Variants in DGCR2 observed in about 807,000 individuals in gnomAD.
The protein encoded by DGCR2 is DiGeorge syndrome critical region gene 2, also known as integral membrane protein DGCR2/IDD.
In DGCR2, 24 loss-of-function variants were observed where a neutral mutation model predicts 51.6. That is an observed-to-expected ratio of 0.47 (90% confidence interval 0.34 to 0.65). The LOEUF is 0.65. DGCR2 is among the 30% of genes least tolerant of loss of function. The probability of loss-of-function intolerance (pLI) is 0.01; values close to 1 mark genes in which losing one functional copy is unlikely to be tolerated. For synonymous variants in DGCR2, 340 were observed against 315.4 expected, an observed-to-expected ratio of 1.08 and a Z score of -0.82; for missense variants, 765 against 772.1, an observed-to-expected ratio of 0.99 and a Z score of 0.11.
At chr22:19,044,700 A>G (rs55676167) in intron 7 of DGCR2, among the ~76,000 whole-genome samples, 2,951 of 152,348 alleles carry the variant, frequency 0.019, 33 homozygotes, top group Non-Finnish European at 0.03. Flanking sequence ...GTGGTACCCC[A>G]CGTGGATTTA....
chr22:19,069,345 T>C (rs893332801), intron 2 of DGCR2, among the ~76,000 whole-genome samples: 4 of 152,384 alleles, frequency 2.6e-5, no homozygotes, highest in Admixed American at 2.0e-4. Context: ...GCTAGTGTCA[T>C]AGACTTTGCA....
At chr22:19,103,420 T>A (rs1390514282) in intron 1 of DGCR2, among the ~76,000 whole-genome samples, 26 of 48,660 alleles carry the variant, frequency 5.3e-4, no homozygotes, top group African/African-American at 3.3e-3. Flanking sequence ...AAAGTTCTTT[T>A]TTTTTTTTTT....
At chr22:19,088,851 C>T (rs1601264194) in intron 2 of DGCR2, among the ~76,000 whole-genome samples, 1 of 152,152 alleles carries the variant, frequency 6.6e-6, no homozygotes, top group East Asian at 1.9e-4. Context: ...CCTGGTTCTC[C>T]GATTTAGCCT....
intron 7 of DGCR2, chr22:19,047,189 A>C (rs899601431): frequency 1.1e-4 from 17 of 152,368 alleles, no homozygotes; most frequent in African/African-American, 4.1e-4. Context: ...CTTGGCTGCA[A>C]ATGTAGCCTT....
intron 2 of DGCR2, among the ~76,000 whole-genome samples, chr22:19,085,885 A>C (rs1569072785): frequency 6.6e-6 from 1 of 152,158 alleles, no homozygotes; most frequent in Non-Finnish European, 1.5e-5. Context: ...CTCTCCTCAT[A>C]CAAAGGAAGG....
chr22:19,065,178 G>C, intron 3 of DGCR2, 111 bp from the exon 4 acceptor site: 2 of 894,070 alleles, frequency 2.2e-6, no homozygotes, highest in South Asian at 3.2e-5. Flanking sequence ...TAGAGAAGTG[G>C]GGAAACTGAG....
intron 2 of DGCR2, among the ~76,000 whole-genome samples, chr22:19,081,313 T>A (rs2082933971): frequency 6.6e-6 from 1 of 152,252 alleles, no homozygotes; most frequent in African/African-American, 2.4e-5. Flanking sequence ...ATTTTGTGTA[T>A]CACTGCGCTT....
At chr22:19,040,937 A>G (rs1211913403) in intron 9 of DGCR2, 121 bp downstream of exon 9, 1 of 941,454 alleles carries the variant, frequency 1.1e-6, no homozygotes, top group African/African-American at 1.7e-5. Context: ...AGGAAAAACC[A>G]AAGACAAAGC....
At chr22:19,093,737 C>T (rs528839326) in intron 1 of DGCR2, among the ~76,000 whole-genome samples, 3 of 152,184 alleles carry the variant, frequency 2.0e-5, no homozygotes, top group Non-Finnish European at 4.4e-5. Flanking sequence ...TGGCTTATAC[C>T]TGTAATCCCA....
chr22:19,121,308 A>T (rs1227098037), intron 1 of DGCR2, among the ~76,000 whole-genome samples: 2 of 152,270 alleles, frequency 1.3e-5, no homozygotes, highest in African/African-American at 4.8e-5. Context: ...GACTTTAAAA[A>T]AAAATAAAAT....
Position 19,041,185 on chromosome 22 carries a change from A to T in DGCR2, c.1269T>A (p.Thr423=). The T allele has an allele frequency of 1.2e-6, 2 of 1,613,870 alleles. No individual in the cohort carries two copies. Among genetic ancestry groups the T allele is most frequent in the South Asian group, 2.2e-5 (2 of 91,076 alleles). Residue 423 remains threonine (T), a synonymous_variant, in exon 9 of 10, where the codon ACT becomes ACA. Coordinates refer to ENST00000263196, the MANE Select transcript of DGCR2 (RefSeq NM_005137.3). Reference sequence around the variant, plus strand: ...GAGGTGGAGGGTCGTGGAAATGGAAAGTCCCACCCTCTCCGTCGTCAGAAA... The same window carrying T: ...GAGGTGGAGGGTCGTGGAAATGGAATGTCCCACCCTCTCCGTCGTCAGAAA... The part of the protein sequence containing the change: ...LHLSDDGEGG[T]FHFHDPPPPY...
At chr22:19,102,313 T>C (rs2146035760) in intron 1 of DGCR2, among the ~76,000 whole-genome samples, 1 of 152,300 alleles carries the variant, frequency 6.6e-6, no homozygotes, top group Non-Finnish European at 1.5e-5. Flanking sequence ...AGTTTCTGTT[T>C]GGATTGACAA....
intron 1 of DGCR2, among the ~76,000 whole-genome samples, chr22:19,096,338 G>C (rs1011476752): frequency 6.6e-6 from 1 of 152,182 alleles, no homozygotes; most frequent in Non-Finnish European, 1.5e-5. Context: ...GTGGTTACCA[G>C]AGGCTGGGAA....
chr22:19,107,978 G>A (rs567078619), intron 1 of DGCR2, among the ~76,000 whole-genome samples: 1 of 152,296 alleles, frequency 6.6e-6, no homozygotes, highest in South Asian at 2.1e-4. Context: ...TATATCAAGT[G>A]CTTAGAATAC....
intron 2 of DGCR2, among the ~76,000 whole-genome samples, chr22:19,083,706 C>CCCCTCT (rs1555907887): frequency 0.097 from 10,240 of 105,656 alleles, 1,217 homozygotes; most frequent in African/African-American, 0.27. Flanking sequence ...CCTCCCCCTC[C>CCCCTCT]CCCTCTCCCT....
Position 19,041,313 on chromosome 22 carries a change from G to A in DGCR2, c.1160-19C>T. 1 of 1,610,864 alleles carries A rather than the reference G, an allele frequency of 6.2e-7. No individual in the cohort carries two copies. The highest frequency in any genetic ancestry group is 8.5e-7 in the Non-Finnish European group (1 of 1,177,908). The stretch of plus-strand genomic sequence containing the variant: ...TGGTGCACTGGGCCATCAAAAGTGT[G>A]CAACGGGAACAGAGACAAGTCACTG... On this transcript the variant is annotated intron_variant, in intron 8 of 9. Coordinates refer to ENST00000263196, the MANE Select transcript of DGCR2 (RefSeq NM_005137.3).
In DGCR2 at chr22:19,072,672, A is replaced by T. The variant is rs1601234176; in HGVS notation, c.203-4447T>A. Among the ~76,000 whole-genome samples the T allele has an allele frequency of 2.0e-5, 3 of 152,268 alleles. 1 individual carries two copies. The highest frequency in any genetic ancestry group is 2.0e-4 in the Admixed American group (3 of 15,290). On this transcript the variant is annotated intron_variant, in intron 2 of 9. Coordinates refer to ENST00000263196, the MANE Select transcript of DGCR2 (RefSeq NM_005137.3). ...GGCAGATCACAAGGTAAAGAGATCA[A>T]GACCATCCTGGCCAACATGGTGAAA...
intron 2 of DGCR2, among the ~76,000 whole-genome samples, chr22:19,074,547 C>T (rs118082227): frequency 0.01 from 1,554 of 152,186 alleles, 10 homozygotes; most frequent in Non-Finnish European, 0.015. Context: ...ACTCACCCAC[C>T]AGGCTTAGGG....
intron 4 of DGCR2, among the ~76,000 whole-genome samples, chr22:19,063,908 G>A (rs1479905938): frequency 2.0e-5 from 3 of 152,158 alleles, no homozygotes; most frequent in Non-Finnish European, 4.4e-5. Flanking sequence ...CATGGCATGT[G>A]AACTGCATCT....
Sources: allele counts gnomAD v4.1 joint callset (sites outside exome capture counted in the v4.1 genomes callset), GRCh38; gene constraint gnomAD v4.1.1; transcripts MANE v1.5; gene names NCBI Gene and HGNC (gene_info 2026-07-23, HGNC 2026-07-21).